TRIM44: variants seen among roughly 807,000 people sequenced by gnomAD.
TRIM44 encodes the protein tripartite motif-containing protein 44.
A neutral mutation model predicts 37.4 loss-of-function variants in TRIM44; 13 were observed. The ratio of observed to expected loss-of-function variants is 0.35; its 90% CI spans 0.23 to 0.55. The LOEUF (loss-of-function observed/expected upper bound fraction) is 0.55, where lower values mean the gene tolerates loss of function less well. Ranked by LOEUF, TRIM44 falls within the 20% of genes least tolerant of loss-of-function variation. TRIM44 has a pLI of 0.89. For synonymous variants in TRIM44, 175 were observed against 157.2 expected, an observed-to-expected ratio of 1.11 and a Z score of -0.85; for missense variants, 426 against 437.2, an observed-to-expected ratio of 0.97 and a Z score of 0.23.
rs535450933 is a variant in TRIM44 at position 35,725,243 on chromosome 11, A to G, written c.748-681A>G. 1.3e-3 allele frequency among the ~76,000 whole-genome samples: 200 copies of G among 152,342 alleles called. No individual in the cohort carries two copies. In the Middle Eastern group the frequency reaches 0.017, roughly 13 times the overall value. On this transcript the variant is annotated intron_variant, in intron 2 of 4. Transcript: ENST00000299413. ...TTATATAAAAACTACTTAATTATCT[A>G]TATACATATATGTACATAACTATAT...
At chr11:35,767,706 C>T (rs369838561) in intron 4 of TRIM44, among the ~76,000 whole-genome samples, 29 of 152,182 alleles carry the variant, frequency 1.9e-4, no homozygotes, top group African/African-American at 5.8e-4. Context: ...TATACAGACA[C>T]GAATTCAAAA....
intron 4 of TRIM44, among the ~76,000 whole-genome samples, chr11:35,760,337 G>A (rs753003500): frequency 2.6e-5 from 4 of 152,212 alleles, no homozygotes; most frequent in Admixed American, 6.5e-5. Context: ...TGCTAAGACC[G>A]TTGGAAAAGT....
intron 3 of TRIM44, among the ~76,000 whole-genome samples, chr11:35,727,249 G>A (rs1418508698): frequency 2.0e-5 from 3 of 152,108 alleles, no homozygotes; most frequent in Non-Finnish European, 2.9e-5. Context: ...TCTAGTGAAG[G>A]TAATGCCAGA....
At chr11:35,757,982 T>G (rs2133857562) in intron 4 of TRIM44, among the ~76,000 whole-genome samples, 1 of 152,300 alleles carries the variant, frequency 6.6e-6, no homozygotes, top group South Asian at 2.1e-4. Context: ...TCTGTTGATT[T>G]GGGGTGGAGA....
At chr11:35,720,998 G>A (rs1351881937) in intron 2 of TRIM44, among the ~76,000 whole-genome samples, 2 of 151,674 alleles carry the variant, frequency 1.3e-5, no homozygotes, top group Non-Finnish European at 2.9e-5. Flanking sequence ...CCGCCTCCCA[G>A]GTTCAAGCGA....
intron 1 of TRIM44, among the ~76,000 whole-genome samples, chr11:35,680,833 A>T (rs1851513803): frequency 6.6e-6 from 1 of 152,186 alleles, no homozygotes; most frequent in Non-Finnish European, 1.5e-5. Context: ...AAGAAATTAT[A>T]TTTTAATCAT....
intron 3 of TRIM44, among the ~76,000 whole-genome samples, chr11:35,733,560 C>T (rs926177815): frequency 5.3e-5 from 8 of 152,276 alleles, no homozygotes; most frequent in East Asian, 1.9e-4. Flanking sequence ...CTCTACCACT[C>T]GCCCTACTTC....
At chr11:35,682,209 C>T (rs1453836639) in intron 1 of TRIM44, among the ~76,000 whole-genome samples, 1 of 152,118 alleles carries the variant, frequency 6.6e-6, no homozygotes, top group African/African-American at 2.4e-5. Flanking sequence ...GAGCTTGCTT[C>T]CAGGGCCTGC....
At chr11:35,755,820 T>C (rs4543963) in intron 4 of TRIM44, among the ~76,000 whole-genome samples, 105,100 of 148,952 alleles carry the variant, frequency 0.71, 37,195 homozygotes, top group African/African-American at 0.8. Flanking sequence ...GTTGTAGATA[T>C]GCGGCGTTAT....
chr11:35,754,382 A>T (rs1219767658), intron 4 of TRIM44, among the ~76,000 whole-genome samples: 1 of 152,154 alleles, frequency 6.6e-6, no homozygotes, highest in African/African-American at 2.4e-5. Flanking sequence ...GTGCCCGACT[A>T]TTATGGAGAC....
In TRIM44 at chr11:35,733,211, T is replaced by G. The variant is rs187301467; in HGVS notation, c.988-2215T>G. Among the ~76,000 whole-genome samples the G allele has an allele frequency of 2.8e-3, 434 of 152,288 alleles. 1 individual carries two copies. Among genetic ancestry groups the G allele is most frequent in the African/African-American group, 9.6e-3 (400 of 41,570 alleles). Reference sequence around the variant, plus strand: ...AGAAAATTGCCAAAAGCTTCACTTTTGGGATTAATGAACCAGAATTTGAGA... The same window carrying G: ...AGAAAATTGCCAAAAGCTTCACTTTGGGGATTAATGAACCAGAATTTGAGA... On this transcript the variant is annotated intron_variant, in intron 3 of 4. Transcript: ENST00000299413.
At chr11:35,714,675 A>G (rs1027445904) in intron 2 of TRIM44, among the ~76,000 whole-genome samples, 2 of 152,200 alleles carry the variant, frequency 1.3e-5, no homozygotes, top group Admixed American at 6.5e-5. Flanking sequence ...TTCAGATAAA[A>G]TAGGCTTTCT....
At chr11:35,762,773 C>T (rs1033275449) in intron 4 of TRIM44, among the ~76,000 whole-genome samples, 1 of 152,190 alleles carries the variant, frequency 6.6e-6, no homozygotes, top group African/African-American at 2.4e-5. Context: ...TCCAGCTTTA[C>T]CACCTGCTAG....
chr11:35,706,890 A>G (rs934884158), intron 2 of TRIM44, among the ~76,000 whole-genome samples: 8 of 150,320 alleles, frequency 5.3e-5, no homozygotes, highest in African/African-American at 1.5e-4. Flanking sequence ...CCTATTCAAC[A>G]TAGTGTTGGA....
chr11:35,757,761 GT>G (rs1345556093), intron 4 of TRIM44, among the ~76,000 whole-genome samples: 1 of 152,162 alleles, frequency 6.6e-6, no homozygotes, highest in Non-Finnish European at 1.5e-5. Flanking sequence ...TATGTACCCA[GT>G]AGTCATTCAG....
chr11:35,665,246 C>T (rs1039192622), intron 1 of TRIM44, among the ~76,000 whole-genome samples: 6 of 151,810 alleles, frequency 4.0e-5, no homozygotes, highest in Admixed American at 1.3e-4. Context: ...GGAATATAAA[C>T]GCAGGAGTGA....
chr11:35,720,323 G>A (rs987414197), intron 2 of TRIM44, among the ~76,000 whole-genome samples: 8 of 151,876 alleles, frequency 5.3e-5, no homozygotes, highest in African/African-American at 7.2e-5. Context: ...TTAAAATCGC[G>A]CTTGTTCACT....
intron 2 of TRIM44, among the ~76,000 whole-genome samples, chr11:35,700,313 A>G (rs139852993): frequency 6.6e-6 from 1 of 152,244 alleles, no homozygotes; most frequent in East Asian, 1.9e-4. Context: ...ATTTTTTTTT[A>G]CAAGATTAAT....
intron 1 of TRIM44, among the ~76,000 whole-genome samples, chr11:35,673,350 A>G (rs182422768): frequency 3.3e-5 from 5 of 152,328 alleles, no homozygotes; most frequent in African/African-American, 1.2e-4. Flanking sequence ...TATAGAGTCC[A>G]GTGATTTTAT....
Sources: allele counts gnomAD v4.1 joint callset (sites outside exome capture counted in the v4.1 genomes callset), GRCh38; gene constraint gnomAD v4.1.1; transcripts MANE v1.5; gene names NCBI Gene and HGNC (gene_info 2026-07-23, HGNC 2026-07-21).